The following RPS6KC1 variants were observed in gnomAD, a reference collection of about 807,000 sequenced individuals.
RPS6KC1 encodes the protein inactive ribosomal protein S6 kinase delta-1.
Under a neutral mutation model 103.8 loss-of-function variants are expected in RPS6KC1, and 54 were observed. That is an observed-to-expected ratio of 0.52 (90% CI 0.42 to 0.65). RPS6KC1 has a LOEUF of 0.65. Among genes scored for constraint, RPS6KC1 ranks in the 30% least tolerant of loss-of-function variants. The pLI is 0.00. For synonymous variants in RPS6KC1, 439 were observed against 438.7 expected (o/e 1.00, Z -0.01); for missense variants, 1,151 against 1,253.8 (o/e 0.92, Z 1.24).
the RPS6KC1 span, among the ~76,000 whole-genome samples, chr1:213,622,847 C>T: frequency 1.3e-5 from 2 of 152,140 alleles, no homozygotes; most frequent in Admixed American, 1.3e-4. Context: ...CCACAAACCA[C>T]TAGGGCCTCC....
At chr1:213,457,384 G>C in the RPS6KC1 span, among the ~76,000 whole-genome samples, 1 of 152,246 alleles carries the variant, frequency 6.6e-6, no homozygotes, top group East Asian at 1.9e-4. Context: ...TTGACTTCCA[G>C]GGAAGGCCTA....
chr1:213,667,456 A>G, the RPS6KC1 span, among the ~76,000 whole-genome samples: 1 of 152,232 alleles, frequency 6.6e-6, no homozygotes, highest in Admixed American at 6.5e-5. Flanking sequence ...TAAAAAATGT[A>G]CATACCTTAA....
At chr1:213,505,712 A>T in the RPS6KC1 span, among the ~76,000 whole-genome samples, 1 of 152,236 alleles carries the variant, frequency 6.6e-6, no homozygotes, top group South Asian at 2.1e-4. Flanking sequence ...GCTGGGGTTC[A>T]GACCTGGGCA....
chr1:213,056,435 C>T (rs558190604), intron 1 of RPS6KC1, among the ~76,000 whole-genome samples: 1 of 152,270 alleles, frequency 6.6e-6, no homozygotes, highest in East Asian at 1.9e-4. Flanking sequence ...TCATTAGGTG[C>T]TGTGAGTGTG....
the RPS6KC1 span, among the ~76,000 whole-genome samples, chr1:213,363,694 CTTTCTTTCCTT>C: frequency 3.8e-3 from 371 of 96,448 alleles, 87 homozygotes; most frequent in African/African-American, 0.02. Context: ...TTCTTTCTTT[CTTTCTTTCCTT>C]CTTTCTTTCT....
the RPS6KC1 span, among the ~76,000 whole-genome samples, chr1:213,555,620 C>T: frequency 1.2e-4 from 18 of 152,180 alleles, no homozygotes; most frequent in Non-Finnish European, 2.5e-4. Context: ...TGGTTGATTA[C>T]TAGTCGTGAA....
At chr1:213,408,461 T>C in the RPS6KC1 span, among the ~76,000 whole-genome samples, 2 of 152,340 alleles carry the variant, frequency 1.3e-5, no homozygotes, top group African/African-American at 4.8e-5. Flanking sequence ...AAGTATTTCA[T>C]AGATGTGATT....
At chr1:213,803,248 T>G in the RPS6KC1 span, among the ~76,000 whole-genome samples, 1 of 149,102 alleles carries the variant, frequency 6.7e-6, no homozygotes, top group Non-Finnish European at 1.5e-5. Flanking sequence ...GGCTTTTTTT[T>G]TTTTTTTTTT....
chr1:213,721,730 A>G, the RPS6KC1 span, among the ~76,000 whole-genome samples: 1 of 152,004 alleles, frequency 6.6e-6, no homozygotes, highest in African/African-American at 2.4e-5. Context: ...ACCACTGCAC[A>G]CCCACCCAAG....
the RPS6KC1 span, among the ~76,000 whole-genome samples, chr1:213,710,578 G>T: frequency 6.6e-6 from 1 of 151,954 alleles, no homozygotes; most frequent in East Asian, 1.9e-4. Flanking sequence ...TGGTTATTTT[G>T]CCCATTAGTT....
the RPS6KC1 span, among the ~76,000 whole-genome samples, chr1:213,774,777 C>T: frequency 6.6e-6 from 1 of 152,152 alleles, no homozygotes; most frequent in African/African-American, 2.4e-5. Flanking sequence ...ATTAAAGAAA[C>T]CTGTCCCAAT....
the RPS6KC1 span, among the ~76,000 whole-genome samples, chr1:213,584,217 A>G: frequency 6.6e-6 from 1 of 152,110 alleles, no homozygotes; most frequent in Admixed American, 6.5e-5. Context: ...GCCATGTGGA[A>G]CTGTGAACTG....
the RPS6KC1 span, among the ~76,000 whole-genome samples, chr1:213,545,399 TAAATAAATAAATAAATA>T: frequency 1.0e-3 from 86 of 84,280 alleles, no homozygotes; most frequent in African/African-American, 3.1e-3. Flanking sequence ...AATAAATAAA[TAAATAAATAAATAAATA>T]AAATAAAATA....
At chr1:213,608,529 AC>A in the RPS6KC1 span, among the ~76,000 whole-genome samples, 3 of 152,142 alleles carry the variant, frequency 2.0e-5, no homozygotes, top group Non-Finnish European at 4.4e-5. Context: ...GTCAAAGGTC[AC>A]CAGGCTATCG....
intron 10 of RPS6KC1, among the ~76,000 whole-genome samples, chr1:213,234,608 C>A (rs889162970): frequency 6.6e-6 from 1 of 152,112 alleles, no homozygotes; most frequent in Non-Finnish European, 1.5e-5. Context: ...TGGAATGGAG[C>A]AGAGTGAGGA....
chr1:213,079,475 G>A (rs142409113), intron 3 of RPS6KC1, among the ~76,000 whole-genome samples: 2 of 152,236 alleles, frequency 1.3e-5, no homozygotes, highest in East Asian at 3.9e-4. Context: ...CTGGAGTACA[G>A]TGGTGTGATC....
chr1:213,740,079 T>G, the RPS6KC1 span, among the ~76,000 whole-genome samples: 1 of 152,108 alleles, frequency 6.6e-6, no homozygotes, highest in Non-Finnish European at 1.5e-5. Context: ...CTGAAAAAAC[T>G]TATGGACATT....
At chr1:213,107,659 G>A (rs1324080706) in intron 4 of RPS6KC1, among the ~76,000 whole-genome samples, 1 of 152,082 alleles carries the variant, frequency 6.6e-6, no homozygotes, top group Non-Finnish European at 1.5e-5. Context: ...CATTTTTCTT[G>A]GGTGATTCCT....
the RPS6KC1 span, among the ~76,000 whole-genome samples, chr1:213,369,859 T>C: frequency 2.6e-5 from 4 of 152,190 alleles, no homozygotes; most frequent in African/African-American, 4.8e-5. Context: ...ATTGAGGGCC[T>C]GGGTTCGGGG....
Sources: allele counts gnomAD v4.1 joint callset (sites outside exome capture counted in the v4.1 genomes callset), GRCh38; gene constraint gnomAD v4.1.1; transcripts MANE v1.5; gene names NCBI Gene and HGNC (gene_info 2026-07-23, HGNC 2026-07-21).